MARCHF1: variants seen among roughly 807,000 people sequenced by gnomAD.
The protein encoded by MARCHF1 is E3 ubiquitin-protein ligase MARCHF1.
A neutral mutation model predicts 54.2 loss-of-function variants in MARCHF1; 40 were observed. The observed-to-expected ratio is 0.74, with a 90% CI of 0.57 to 0.96. The LOEUF is 0.96. Among genes scored for constraint, MARCHF1 ranks in the 40% least tolerant of loss-of-function variants. The pLI is 0.00. For missense variants in MARCHF1, 586 were observed against 656.5 expected (o/e 0.89, Z 1.17); for synonymous variants, 236 against 236.3 (o/e 1.00, Z 0.01).
At chr4:164,076,803 T>A (rs1320440315) in intron 2 of MARCHF1, among the ~76,000 whole-genome samples, 1 of 152,070 alleles carries the variant, frequency 6.6e-6, no homozygotes, top group African/African-American at 2.4e-5. Context: ...GAGAATTCAA[T>A]ACCTAGGAAT....
intron 5 of MARCHF1, among the ~76,000 whole-genome samples, chr4:163,661,588 T>C (rs536287088): frequency 1.4e-3 from 213 of 152,204 alleles, no homozygotes; most frequent in Non-Finnish European, 2.2e-3. Flanking sequence ...AAAATTTTGA[T>C]ACTTTAAAAA....
intron 3 of MARCHF1, among the ~76,000 whole-genome samples, chr4:163,856,797 G>C (rs1478110665): frequency 2.0e-5 from 3 of 152,072 alleles, no homozygotes; most frequent in Non-Finnish European, 4.4e-5. Context: ...GATCACTTGA[G>C]CTCAGGGGTT....
At chr4:164,372,776 C>G (rs1197211361) in intron 1 of MARCHF1, among the ~76,000 whole-genome samples, 5 of 151,780 alleles carry the variant, frequency 3.3e-5, no homozygotes, top group African/African-American at 1.2e-4. Context: ...GGTCTCAGTA[C>G]TGAAAATTTT....
chr4:163,869,556 A>G (rs936006622), intron 3 of MARCHF1, among the ~76,000 whole-genome samples: 1 of 152,082 alleles, frequency 6.6e-6, no homozygotes, highest in Non-Finnish European at 1.5e-5. Context: ...AACACAAATT[A>G]TATGTTGCTA....
chr4:163,783,396 G>A (rs1358649492), intron 4 of MARCHF1, among the ~76,000 whole-genome samples: 2 of 152,182 alleles, frequency 1.3e-5, no homozygotes, highest in African/African-American at 4.8e-5. Context: ...GAAAGGGAAG[G>A]GTCCTTGGCT....
chr4:163,681,649 T>G (rs1036443293), intron 5 of MARCHF1, among the ~76,000 whole-genome samples: 26 of 152,312 alleles, frequency 1.7e-4, no homozygotes, highest in Middle Eastern at 6.8e-3. Flanking sequence ...CTCTTCCTAC[T>G]GCCATGTGAA....
rs149161114 is a variant in MARCHF1, at chr4:163,847,087, A to G, written c.111+6934T>C. Among the ~76,000 whole-genome samples, 418 of 152,344 alleles carry G rather than the reference A, an allele frequency of 2.7e-3. 3 individuals are homozygous for G. Among genetic ancestry groups the G allele is most frequent in the African/African-American group, 9.5e-3 (394 of 41,590 alleles). On this transcript the variant is annotated intron_variant, in intron 4 of 9. Transcript: ENST00000514618. ...AGTGGGCTGGTTTAGCTTCAAACAA[A>G]GGATAATTGAATGGCCTATGAGTAA...
intron 3 of MARCHF1, among the ~76,000 whole-genome samples, chr4:163,904,579 C>A (rs1200103065): frequency 6.6e-6 from 1 of 152,112 alleles, no homozygotes; most frequent in Non-Finnish European, 1.5e-5. Flanking sequence ...TAGAGAAAAT[C>A]CATACTTAGA....
intron 2 of MARCHF1, among the ~76,000 whole-genome samples, chr4:164,016,946 A>C (rs2110957408): frequency 6.6e-6 from 1 of 152,228 alleles, no homozygotes; most frequent in Non-Finnish European, 1.5e-5. Context: ...TTATGTATCC[A>C]TTATAATTAA....
chr4:163,604,515 G>C (rs919889795), intron 7 of MARCHF1, among the ~76,000 whole-genome samples: 1 of 152,056 alleles, frequency 6.6e-6, no homozygotes, highest in African/African-American at 2.4e-5. Context: ...CACAGCCATG[G>C]CTTTCTAATT....
At chr4:164,315,374 C>T (rs1042746585) in intron 1 of MARCHF1, among the ~76,000 whole-genome samples, 1 of 151,994 alleles carries the variant, frequency 6.6e-6, no homozygotes, top group Non-Finnish European at 1.5e-5. Flanking sequence ...CACGGCAGAT[C>T]GATGAGAACT....
At chr4:163,532,489 T>C (rs967876246) in intron 9 of MARCHF1, among the ~76,000 whole-genome samples, 2 of 151,750 alleles carry the variant, frequency 1.3e-5, no homozygotes, top group African/African-American at 2.4e-5. Context: ...TTCTAAAAGA[T>C]AAGAAAATTC....
chr4:164,296,537 T>A (rs1734415733), intron 1 of MARCHF1, among the ~76,000 whole-genome samples: 1 of 151,982 alleles, frequency 6.6e-6, no homozygotes, highest in African/African-American at 2.4e-5. Context: ...GCCCAGCTAA[T>A]TTTTATATTT....
intron 4 of MARCHF1, among the ~76,000 whole-genome samples, chr4:163,733,258 T>TATATATACACATGTACATATACACAC (rs1554008879): frequency 2.2e-5 from 1 of 45,062 alleles, no homozygotes; most frequent in African/African-American, 6.6e-5. Context: ...TATATATATA[T>TATATATACACATGTACATATACACAC]ACACACACAC....
At chr4:164,300,997 C>T (rs575028490) in intron 1 of MARCHF1, among the ~76,000 whole-genome samples, 13 of 113,996 alleles carry the variant, frequency 1.1e-4, no homozygotes, top group African/African-American at 4.5e-4. Flanking sequence ...AACACATAAA[C>T]ACAAACACAC....
intron 1 of MARCHF1, among the ~76,000 whole-genome samples, chr4:164,132,329 T>C (rs1756317934): frequency 6.6e-6 from 1 of 152,196 alleles, no homozygotes; most frequent in African/African-American, 2.4e-5. Flanking sequence ...GAATGCCTGC[T>C]ATTCCAAATT....
At chr4:164,274,001 C>A (rs1733807733) in intron 1 of MARCHF1, among the ~76,000 whole-genome samples, 1 of 149,738 alleles carries the variant, frequency 6.7e-6, no homozygotes, top group African/African-American at 2.5e-5. Context: ...GAATTGCAGG[C>A]AATTTATCAA....
chr4:164,122,391 T>G (rs1205974196), intron 1 of MARCHF1, among the ~76,000 whole-genome samples: 1 of 152,112 alleles, frequency 6.6e-6, no homozygotes, highest in Non-Finnish European at 1.5e-5. Flanking sequence ...CCAATAATGT[T>G]CAAGATGGCG....
chr4:163,924,877 A>T (rs1457418195), intron 3 of MARCHF1, among the ~76,000 whole-genome samples: 8 of 151,914 alleles, frequency 5.3e-5, no homozygotes, highest in South Asian at 2.1e-4. Flanking sequence ...GTAAATGATT[A>T]TACAAACTTT....
Sources: gnomAD v4.1 joint callset for allele counts (sites outside exome capture counted in the v4.1 genomes callset) on GRCh38, gnomAD v4.1.1 for gene constraint, MANE v1.5 for transcripts, NCBI Gene and HGNC (gene_info 2026-07-23, HGNC 2026-07-21) for gene names.